The following PCNX4 variants were observed in gnomAD, a reference collection of about 807,000 sequenced individuals.
PCNX4 encodes pecanex 4.
Under a neutral mutation model 107.2 loss-of-function variants are expected in PCNX4, and 103 were observed. The ratio of observed to expected loss-of-function variants is 0.96; its 90% CI spans 0.82 to 1.13. The LOEUF (loss-of-function observed/expected upper bound fraction) is 1.13, where lower values mean the gene tolerates loss of function less well. Among genes scored for constraint, PCNX4 ranks in the 50% most tolerant of loss-of-function variants. The pLI is 0.00. For missense variants in PCNX4, 1,528 were observed against 1,379.4 expected, an observed-to-expected ratio of 1.11 and a Z score of -1.71; for synonymous variants, 541 against 481.7, an observed-to-expected ratio of 1.12 and a Z score of -1.61.
rs1216896717 is a variant in PCNX4, at chr14:60,108,132, T to A, written c.494T>A (p.Leu165Ter). The change falls in exon 2 of 11, where the codon TTG becomes TAG. Residue 165 changes from leucine (L) to a stop codon, truncating the protein, a stop_gained. Coordinates refer to ENST00000406854, the MANE Select transcript of PCNX4 (RefSeq NM_001330177.2). LOFTEE classifies it high-confidence loss of function. ...TATCTGCTCCCAAATAGAATAACCT[T>A]GCTGTATGGCAGTACAGGAGGCACT... ...TWYLLPNRIT[L>*]LYGSTGGTAL... 1.9e-6 allele frequency: 3 copies of A among 1,612,756 alleles called. No individual in the cohort carries two copies. Among genetic ancestry groups the A allele is most frequent in the Admixed American group, 3.3e-5 (2 of 60,012 alleles).
chr14:60,095,943 A>G (rs1566928302), intron 1 of PCNX4, among the ~76,000 whole-genome samples: 2 of 152,216 alleles, frequency 1.3e-5, no homozygotes, highest in African/African-American at 4.8e-5. Flanking sequence ...AATTAGAGCA[A>G]TTCTCTAGGG....
chr14:60,124,301 A>G lies in PCNX4; in HGVS notation c.2130A>G (p.Glu710=). 1 of 1,609,862 alleles carries G rather than the reference A, an allele frequency of 6.2e-7. No individual in the cohort carries two copies. The highest frequency in any genetic ancestry group is 1.3e-5 in the African/African-American group (1 of 75,018). The part of the protein sequence containing the change: ...DEVFEDAFEQ[E]YTRVCSLNEH... Reference sequence around the variant, plus strand: ...TTTTTGAAGATGCTTTTGAGCAAGAATACACAAGAGTATGTTCCCTTAATG... The same window carrying G: ...TTTTTGAAGATGCTTTTGAGCAAGAGTACACAAGAGTATGTTCCCTTAATG... Residue 710 remains glutamate (E), a synonymous_variant, in exon 9 of 11, where the codon GAA becomes GAG. Coordinates refer to ENST00000406854, the MANE Select transcript of PCNX4 (RefSeq NM_001330177.2).
At chr14:60,106,315 C>G (rs1247331853) in intron 1 of PCNX4, among the ~76,000 whole-genome samples, 1 of 152,130 alleles carries the variant, frequency 6.6e-6, no homozygotes, top group Admixed American at 6.5e-5. Flanking sequence ...TAAATCATCT[C>G]TAGATTACTT....
chr14:60,123,675 T>A (rs1227829291), intron 8 of PCNX4, among the ~76,000 whole-genome samples: 1 of 152,140 alleles, frequency 6.6e-6, no homozygotes, highest in African/African-American at 2.4e-5. Context: ...TACCAGATAC[T>A]GGTTTAGGCA....
At chr14:60,117,319 T>C (rs990928422) in intron 6 of PCNX4, among the ~76,000 whole-genome samples, 1 of 152,188 alleles carries the variant, frequency 6.6e-6, no homozygotes, top group African/African-American at 2.4e-5. Flanking sequence ...TACTGTACAA[T>C]TTCAATGTTT....
intron 8 of PCNX4, among the ~76,000 whole-genome samples, chr14:60,122,125 C>G (rs1026145899): frequency 1.3e-5 from 2 of 152,102 alleles, no homozygotes; most frequent in East Asian, 3.9e-4. Flanking sequence ...CACCTGTAAA[C>G]CATATTCTGT....
intron 6 of PCNX4, among the ~76,000 whole-genome samples, chr14:60,118,073 C>T (rs1895883426): frequency 6.7e-6 from 1 of 149,476 alleles, no homozygotes; most frequent in South Asian, 2.1e-4. Context: ...GTGGTTCAGC[C>T]TTAAAGCATA....
chr14:60,097,219 C>T (rs1049782928), intron 1 of PCNX4, among the ~76,000 whole-genome samples: 1 of 152,080 alleles, frequency 6.6e-6, no homozygotes, highest in African/African-American at 2.4e-5. Context: ...TGAGGGTGCC[C>T]GGAATCCTTC....
rs1264624968 is a variant in PCNX4 at position 60,134,449 on chromosome 14, C to T, written c.*228C>T. On this transcript the variant is annotated 3_prime_UTR_variant, in exon 11 of 11. Transcript: ENST00000406854. ...GAACTATTTGGCCAATATTTGTGCC[C>T]TCTGGACTTTAGTAGGCTTTGGTAA... 4.2e-6 allele frequency: 2 copies of T among 481,456 alleles called. No individual in the cohort carries two copies. Among genetic ancestry groups the T allele is most frequent in the African/African-American group, 3.9e-5 (2 of 50,972 alleles). 29.8% of individuals were successfully genotyped at this position (481,456 alleles called of 1,614,324 possible).
intron 1 of PCNX4, among the ~76,000 whole-genome samples, chr14:60,092,822 C>G (rs1191657340): frequency 6.6e-6 from 1 of 152,230 alleles, no homozygotes; most frequent in Non-Finnish European, 1.5e-5. Flanking sequence ...CCCCACTGAT[C>G]TCGACCTCTG....
intron 1 of PCNX4, among the ~76,000 whole-genome samples, chr14:60,104,087 G>A (rs557458459): frequency 6.6e-6 from 1 of 152,188 alleles, no homozygotes; most frequent in Non-Finnish European, 1.5e-5. Context: ...TTGAGAGGCC[G>A]AGGCGGGCAG....
At chr14:60,132,520 A>G (rs1458822035) in intron 10 of PCNX4, among the ~76,000 whole-genome samples, 1 of 152,176 alleles carries the variant, frequency 6.6e-6, no homozygotes, top group African/African-American at 2.4e-5. Context: ...AGGAAACATA[A>G]GGGTAAATCT....
intron 10 of PCNX4, among the ~76,000 whole-genome samples, chr14:60,132,749 T>G (rs1039073536): frequency 3.9e-5 from 6 of 152,066 alleles, no homozygotes; most frequent in Non-Finnish European, 8.8e-5. Flanking sequence ...AACTTACAAC[T>G]CTATAATAAA....
intron 1 of PCNX4, among the ~76,000 whole-genome samples, chr14:60,098,511 G>T (rs1895469227): frequency 6.6e-6 from 1 of 152,212 alleles, no homozygotes; most frequent in Non-Finnish European, 1.5e-5. Context: ...TAGATCCAAA[G>T]AGATGTTAAC....
In PCNX4 at chr14:60,107,717, G is replaced by A; in HGVS notation, c.79G>A (p.Gly27Ser). 6.2e-7 allele frequency: 1 copy of A among 1,612,770 alleles called. No homozygotes were observed. Among genetic ancestry groups the A allele is most frequent in the Non-Finnish European group, 8.5e-7 (1 of 1,179,834 alleles). The change falls in exon 2 of 11, where the codon GGC (glycine) becomes AGC (serine). Residue 27 changes from glycine (G) to serine (S), a missense_variant. Physicochemically the swap from Gly to Ser is moderately conservative, Grantham distance 56 (BLOSUM62 0). Transcript: ENST00000406854. ...LKRFPQTVLG[G>S]PRFKLGYCAP... ...GCGCTTTCCACAGACTGTTCTTGGA[G>A]GCCCTCGATTCAAATTAGGCTATTG...
At position 60,140,976 on chromosome 14, in the gene PCNX4, G is replaced by A. The variant is rs1020916591; in HGVS notation, c.*6755G>A. On this transcript the variant is annotated 3_prime_UTR_variant, in exon 11 of 11. Coordinates refer to ENST00000406854, the MANE Select transcript of PCNX4 (RefSeq NM_001330177.2). The surrounding 1 kb of genome is among the most constrained non-coding windows in gnomAD (Gnocchi z 4.2). ...CTCATGGGATTTTGGCTATGTAAGTGGCCAAATACTGCATAGGCAAGGGAC... is the reference window on the plus strand; with the variant it reads ...CTCATGGGATTTTGGCTATGTAAGTAGCCAAATACTGCATAGGCAAGGGAC... The A allele has an allele frequency of 2.0e-5, 3 of 152,128 alleles. No individual in the cohort carries two copies. The highest frequency in any genetic ancestry group is 4.4e-5 in the Non-Finnish European group (3 of 68,038). 9.4% of individuals were successfully genotyped at this position (152,128 alleles called of 1,614,324 possible). A position where few individuals can be genotyped will look rare whatever the true frequency, so the allele number is the denominator to read the frequency against.
intron 2 of PCNX4, chr14:60,111,113 T>C (rs1016562472): frequency 1.2e-5 from 2 of 163,252 alleles, no homozygotes; most frequent in Non-Finnish European, 2.9e-5. Context: ...CTTGTACTTG[T>C]AGCCCCCAGA....
Position 60,124,845 on chromosome 14 carries a change from G to T in PCNX4, c.2674G>T (p.Glu892Ter), listed in dbSNP as rs1290800224. 1 of 1,613,792 alleles carries T rather than the reference G, an allele frequency of 6.2e-7. No individual in the cohort carries two copies. The highest frequency in any genetic ancestry group is 8.5e-7 in the Non-Finnish European group (1 of 1,179,784). ...CCCTGCTGTTGACAAAGGAAAACAA[G>T]AGGACATGCCATATATTCCTCTCAT... is the stretch of plus-strand genomic sequence containing the variant. ...GYPAVDKGKQ[E>*]DMPYIPLMEF... Residue 892 changes from glutamate to a stop codon, truncating the protein, a stop_gained, in exon 9 of 11, where the codon GAG (glutamate) becomes TAG (stop). Transcript: ENST00000406854. LOFTEE classifies it high-confidence loss of function.
chr14:60,096,779 A>T (rs1265408440), intron 1 of PCNX4, among the ~76,000 whole-genome samples: 1 of 152,214 alleles, frequency 6.6e-6, no homozygotes, highest in Admixed American at 6.5e-5. Context: ...TTTGCTCCCA[A>T]CACAAAGCAT....
Sources: gnomAD v4.1 joint callset for allele counts (sites outside exome capture counted in the v4.1 genomes callset) on GRCh38, gnomAD v4.1.1 for gene constraint, Gnocchi (gnomAD v3.1) non-coding constraint, MANE v1.5 for transcripts, NCBI Gene and HGNC (gene_info 2026-07-23, HGNC 2026-07-21) for gene names.